The following LEPR variants were observed in gnomAD, a reference collection of about 807,000 sequenced individuals.
LEPR encodes the protein leptin receptor.
Under a neutral mutation model 114.7 loss-of-function variants are expected in LEPR, and 56 were observed. The ratio of observed to expected loss-of-function variants is 0.49; its 90% confidence interval spans 0.39 to 0.61. LEPR has a LOEUF of 0.61. Ranked by LOEUF, LEPR falls within the 20% of genes least tolerant of loss-of-function variation. The pLI, the probability that LEPR is intolerant of heterozygous loss-of-function variation, is 0.00. For synonymous variants in LEPR, 443 were observed against 461.4 expected, an observed-to-expected ratio of 0.96 and a Z score of 0.51; for missense variants, 1,202 against 1,352.9, an observed-to-expected ratio of 0.89 and a Z score of 1.75.
At chr1:65,480,249 A>G (rs1647206634) in intron 2 of LEPR, among the ~76,000 whole-genome samples, 1 of 152,194 alleles carries the variant, frequency 6.6e-6, no homozygotes, top group Non-Finnish European at 1.5e-5. Context: ...GATACTGTGC[A>G]ACAAAGAAAA....
intron 5 of LEPR, among the ~76,000 whole-genome samples, chr1:65,579,297 G>A (rs956551949): frequency 1.3e-4 from 20 of 152,302 alleles, no homozygotes; most frequent in African/African-American, 3.6e-4. Flanking sequence ...TCCCAGGGTG[G>A]ATAATTAAAG....
rs1646481801 is a variant in LEPR, at chr1:65,431,357, A to G, written c.-21+5979A>G. Among the ~76,000 whole-genome samples the G allele has an allele frequency of 2.0e-5, 3 of 152,240 alleles. No individual in the cohort carries two copies. The South Asian group carries it at 6.2e-4, about 31-fold the overall frequency. Reference sequence around the variant, plus strand: ...ATCTACAAACCATCTACTAAGCTGGAAAGCAGTTTTCAGTTGTATGAAGAC... The same window carrying G: ...ATCTACAAACCATCTACTAAGCTGGGAAGCAGTTTTCAGTTGTATGAAGAC... On this transcript the variant is annotated intron_variant, in intron 2 of 19. Transcript: ENST00000349533.
intron 2 of LEPR, among the ~76,000 whole-genome samples, chr1:65,430,836 A>G (rs1268267335): frequency 6.6e-6 from 1 of 152,244 alleles, no homozygotes; most frequent in Non-Finnish European, 1.5e-5. Flanking sequence ...CGGTTGAAGC[A>G]TGATCAGAAT....
intron 2 of LEPR, among the ~76,000 whole-genome samples, chr1:65,488,164 CTTTCTTTCTTT>C (rs1647615683): frequency 4.3e-4 from 6 of 13,956 alleles, no homozygotes; most frequent in African/African-American, 1.0e-3. Flanking sequence ...TCCTTCCTTT[CTTTCTTTCTTT>C]CTTTCTTTCT....
At chr1:65,477,414 G>C (rs1044023705) in intron 2 of LEPR, among the ~76,000 whole-genome samples, 35 of 152,264 alleles carry the variant, frequency 2.3e-4, no homozygotes, top group African/African-American at 8.2e-4. Flanking sequence ...GTATCTCTTT[G>C]TCCAATGATG....
At chr1:65,501,343 A>C (rs2100523946) in intron 2 of LEPR, among the ~76,000 whole-genome samples, 1 of 151,850 alleles carries the variant, frequency 6.6e-6, no homozygotes, top group South Asian at 2.1e-4. Context: ...AGCCTCAGGC[A>C]TTCCTTGTTC....
In LEPR at chr1:65,611,298, T is replaced by A. The variant is rs143332943; in HGVS notation, c.1995+1002T>A. Among the ~76,000 whole-genome samples, 819 of 152,236 alleles carry A rather than the reference T, an allele frequency of 5.4e-3. 6 individuals carry two copies. The highest frequency in any genetic ancestry group is 0.019 in the African/African-American group (779 of 41,538). On this transcript the variant is annotated intron_variant, in intron 14 of 19. Transcript: ENST00000349533. ...AGCCATTTATTGTATTCTGAACACT[T>A]CATACAGATCTCCACCTCCCGGGGA...
rs762784049 is a variant in LEPR, at chr1:65,574,069, G to A, written c.494+1620G>A. Among the ~76,000 whole-genome samples the A allele has an allele frequency of 6.6e-5, 10 of 152,188 alleles. No individual in the cohort carries two copies. The South Asian group carries it at 8.3e-4, about 13-fold the overall frequency. ...TTAAGTGGTTACCGATATGTATTTG[G>A]TAGGTACATAATGTCATGGGAGCCC... On this transcript the variant is annotated intron_variant, in intron 5 of 19. Transcript: ENST00000349533.
chr1:65,452,985 ACTT>A (rs1363273652), intron 2 of LEPR, among the ~76,000 whole-genome samples: 5 of 152,156 alleles, frequency 3.3e-5, no homozygotes, highest in Non-Finnish European at 5.9e-5. Flanking sequence ...CAGAGATTCA[ACTT>A]CTTCCTGGTT....
chr1:65,611,941 G>A (rs6678033), intron 14 of LEPR, among the ~76,000 whole-genome samples: 69,877 of 152,070 alleles, frequency 0.46, 16,898 homozygotes, highest in East Asian at 0.87. Flanking sequence ...TTCTTTAGGG[G>A]TGATTTGTGG....
At chr1:65,615,081 C>A (rs979720922) in intron 14 of LEPR, among the ~76,000 whole-genome samples, 3 of 151,996 alleles carry the variant, frequency 2.0e-5, no homozygotes, top group African/African-American at 7.2e-5. Context: ...TTCTTTCTTG[C>A]GGTGGCTGCT....
In LEPR at chr1:65,488,226, CTCTT is replaced by C. The variant is rs71577203; in HGVS notation, c.-21+62878_-21+62881del. Among the ~76,000 whole-genome samples the C allele has an allele frequency of 0.013, 902 of 67,730 alleles. 96 individuals are homozygous for C. The East Asian group carries it at 0.13, about 10-fold the overall frequency. 44.4% of individuals were successfully genotyped at this position (67,730 alleles called of 152,430 possible). On this transcript the variant is annotated intron_variant, in intron 2 of 19. Coordinates refer to ENST00000349533, the MANE Select transcript of LEPR (RefSeq NM_002303.6). The stretch of plus-strand genomic sequence containing the variant: ...TTTCTTTCTTTCTCTCTCTCTCTCT[CTCTT>C]TCTTTCTTTCTTTCTTTCTTTCTTT...
chr1:65,635,184 A>G, intron 19 of LEPR: 2 of 959,342 alleles, frequency 2.1e-6, no homozygotes, highest in Non-Finnish European at 2.5e-6. Flanking sequence ...TTAGTTTAAA[A>G]ATTGTAAAAT....
At chr1:65,437,587 G>C (rs1374775867) in intron 2 of LEPR, among the ~76,000 whole-genome samples, 1 of 151,918 alleles carries the variant, frequency 6.6e-6, no homozygotes, top group Non-Finnish European at 1.5e-5. Flanking sequence ...GGAGGTTGCA[G>C]TGAGCCGAGA....
intron 2 of LEPR, among the ~76,000 whole-genome samples, chr1:65,513,451 C>T (rs762947156): frequency 1.2e-4 from 19 of 152,118 alleles, no homozygotes; most frequent in Non-Finnish European, 1.5e-4. Flanking sequence ...TTTTATGACT[C>T]ATTAGTTCAG....
At chr1:65,434,562 C>G in intron 2 of LEPR, 1 of 985,322 alleles carries the variant, frequency 1.0e-6, no homozygotes, top group Non-Finnish European at 1.2e-6. Flanking sequence ...TCTAATATAC[C>G]TAACCTGTGA....
chr1:65,420,935 G>A (rs1189211935), intron 1 of LEPR, among the ~76,000 whole-genome samples, 195 bp downstream of exon 1: 3 of 152,170 alleles, frequency 2.0e-5, no homozygotes, highest in Non-Finnish European at 2.9e-5. Flanking sequence ...GGGGAGCCTT[G>A]GCCCTTTTTG....
At chr1:65,458,127 T>C (rs1285251952) in intron 2 of LEPR, among the ~76,000 whole-genome samples, 1 of 152,230 alleles carries the variant, frequency 6.6e-6, no homozygotes, top group Non-Finnish European at 1.5e-5. Context: ...CAAATTTAGA[T>C]GAAAACATTT....
intron 1 of LEPR, among the ~76,000 whole-genome samples, chr1:65,423,699 T>G (rs763358876): frequency 1.3e-5 from 2 of 152,220 alleles, no homozygotes; most frequent in Non-Finnish European, 2.9e-5. Context: ...AAAAAGCACT[T>G]TGGCACCTTC....
Sources: gnomAD v4.1 joint callset for allele counts (sites outside exome capture counted in the v4.1 genomes callset) on GRCh38, gnomAD v4.1.1 for gene constraint, MANE v1.5 for transcripts, NCBI Gene and HGNC (gene_info 2026-07-23, HGNC 2026-07-21) for gene names.